Variants in ROBO2 observed in about 807,000 individuals in gnomAD.
ROBO2 encodes the protein roundabout guidance receptor 2, also known as roundabout homolog 2.
A neutral mutation model predicts 160.8 loss-of-function variants in ROBO2; 53 were observed. That is an observed-to-expected ratio of 0.33 (90% CI 0.26 to 0.41). ROBO2 has a LOEUF of 0.41. ROBO2 is among the 10% of genes least tolerant of loss of function. The pLI, the probability that ROBO2 is intolerant of heterozygous loss-of-function variation, is 1.00. For synonymous variants in ROBO2, 664 were observed against 611.7 expected, an observed-to-expected ratio of 1.09 and a Z score of -1.26; for missense variants, 1,577 against 1,722.4, an observed-to-expected ratio of 0.92 and a Z score of 1.49.
chr3:77,524,161 T>G (rs559620114), intron 6 of ROBO2, among the ~76,000 whole-genome samples: 1 of 151,458 alleles, frequency 6.6e-6, no homozygotes, highest in African/African-American at 2.4e-5. Flanking sequence ...CTTCTGTAGA[T>G]ATTCTAGTGT....
chr3:76,019,602 T>C (rs1378571146), intron 2 of ROBO2, among the ~76,000 whole-genome samples: 3 of 148,756 alleles, frequency 2.0e-5, no homozygotes, highest in African/African-American at 7.4e-5. Flanking sequence ...TAATATTTGC[T>C]TTATGGTCTC....
At chr3:76,551,492 G>A (rs907433197) in intron 2 of ROBO2, among the ~76,000 whole-genome samples, 1 of 152,012 alleles carries the variant, frequency 6.6e-6, no homozygotes, top group Non-Finnish European at 1.5e-5. Context: ...CTAATGGCAG[G>A]ACTGAAAAAG....
intron 2 of ROBO2, among the ~76,000 whole-genome samples, chr3:76,412,694 C>T (rs2075556489): frequency 6.6e-6 from 1 of 152,334 alleles, no homozygotes; most frequent in East Asian, 1.9e-4. Context: ...GCGGTGGATT[C>T]CCATGGTCTT....
chr3:76,251,925 A>G (rs1337142335), intron 2 of ROBO2, among the ~76,000 whole-genome samples: 1 of 152,104 alleles, frequency 6.6e-6, no homozygotes, highest in Admixed American at 6.6e-5. Context: ...CATCACAGAG[A>G]TGAGGTTTTA....
rs191571559 is a variant in ROBO2, at chr3:76,013,533, G to T, written c.109+75931G>T. Among the ~76,000 whole-genome samples, 39 of 150,792 alleles carry T rather than the reference G, an allele frequency of 2.6e-4. 1 individual carries two copies. The East Asian group carries it at 6.8e-3, about 26-fold the overall frequency. Reference sequence around the variant, plus strand: ...GGAGGCTGGGCACTGTGGTTTATGCGTGTAATCCCAGAAGTAATATGTATA... The same window carrying T: ...GGAGGCTGGGCACTGTGGTTTATGCTTGTAATCCCAGAAGTAATATGTATA... On this transcript the variant is annotated intron_variant, in intron 2 of 26. Coordinates refer to the ROBO2 transcript ENST00000487694.
At chr3:76,530,256 C>T (rs894283614) in intron 2 of ROBO2, among the ~76,000 whole-genome samples, 2 of 152,154 alleles carry the variant, frequency 1.3e-5, no homozygotes, top group Non-Finnish European at 2.9e-5. Flanking sequence ...CCCCTGGACT[C>T]CCAGCTGGAA....
intron 4 of ROBO2, among the ~76,000 whole-genome samples, chr3:77,492,945 T>G (rs1222530017): frequency 6.6e-6 from 1 of 152,216 alleles, no homozygotes; most frequent in Non-Finnish European, 1.5e-5. Flanking sequence ...AGTGTTCTGA[T>G]TTTTTATGAT....
chr3:76,474,586 C>T (rs953743907), intron 2 of ROBO2, among the ~76,000 whole-genome samples: 1 of 152,130 alleles, frequency 6.6e-6, no homozygotes, highest in Non-Finnish European at 1.5e-5. Flanking sequence ...AATAAGTAAA[C>T]ACACAAATAT....
At chr3:77,249,806 A>G (rs780526561) in intron 2 of ROBO2, among the ~76,000 whole-genome samples, 12 of 151,638 alleles carry the variant, frequency 7.9e-5, no homozygotes, top group Non-Finnish European at 1.6e-4. Flanking sequence ...TAGCTACTAT[A>G]TTTTATTATT....
intron 23 of ROBO2, chr3:77,634,062 C>T (rs776128): frequency 0.74 from 112,465 of 152,028 alleles, 41,895 homozygotes; most frequent in East Asian, 0.84. Context: ...TCTGTTACTA[C>T]AATAAACATG....
chr3:77,317,153 C>G, intron 2 of ROBO2: 1 of 1,025,876 alleles, frequency 9.7e-7, no homozygotes, highest in Non-Finnish European at 1.5e-6. Context: ...CATCTGGTAC[C>G]CAGCCAGCCA....
chr3:76,255,798 C>A (rs189516649), intron 2 of ROBO2, among the ~76,000 whole-genome samples: 1 of 151,848 alleles, frequency 6.6e-6, no homozygotes, highest in Admixed American at 6.6e-5. Flanking sequence ...AAAGCAACTT[C>A]CTGGAATAAT....
At chr3:76,441,208 T>C (rs7615433) in intron 2 of ROBO2, among the ~76,000 whole-genome samples, 85,147 of 152,016 alleles carry the variant, frequency 0.56, 24,293 homozygotes, top group African/African-American at 0.66. Flanking sequence ...TATTAAGACA[T>C]GGTTTTAATT....
At chr3:76,836,436 GTT>G (rs11321260) in intron 2 of ROBO2, among the ~76,000 whole-genome samples, 15 of 136,900 alleles carry the variant, frequency 1.1e-4, no homozygotes, top group African/African-American at 3.2e-4. Context: ...TAATTTTTTT[GTT>G]TTTTTTTTTT....
chr3:76,428,786 G>A (rs972397392), intron 2 of ROBO2, among the ~76,000 whole-genome samples: 2 of 152,258 alleles, frequency 1.3e-5, no homozygotes, highest in South Asian at 2.1e-4. Flanking sequence ...TGAGCCACGC[G>A]AAAGTGATAA....
chr3:77,549,127 T>C (rs935774597), intron 7 of ROBO2, among the ~76,000 whole-genome samples: 3 of 151,900 alleles, frequency 2.0e-5, no homozygotes, highest in East Asian at 3.9e-4. Context: ...CATTTTCTTT[T>C]GCCTATGTCA....
At chr3:76,796,495 G>A (rs1158482250) in intron 2 of ROBO2, among the ~76,000 whole-genome samples, 5 of 128,516 alleles carry the variant, frequency 3.9e-5, no homozygotes, top group African/African-American at 1.0e-4. Flanking sequence ...AAGGAAGGAA[G>A]GAAGGAAAGA....
chr3:76,376,412 T>G (rs2076347950), intron 2 of ROBO2, among the ~76,000 whole-genome samples: 1 of 152,244 alleles, frequency 6.6e-6, no homozygotes, highest in Non-Finnish European at 1.5e-5. Flanking sequence ...CCAAGTCATC[T>G]ATTTGAACAA....
intron 2 of ROBO2, among the ~76,000 whole-genome samples, chr3:76,558,026 A>G (rs1172754906): frequency 1.3e-5 from 2 of 152,046 alleles, no homozygotes; most frequent in Non-Finnish European, 2.9e-5. Context: ...AACAATTACC[A>G]CAAAAACACC....
Sources: gnomAD v4.1 joint callset for allele counts (sites outside exome capture counted in the v4.1 genomes callset) on GRCh38, gnomAD v4.1.1 for gene constraint, MANE v1.5 for transcripts, NCBI Gene and HGNC (gene_info 2026-07-23, HGNC 2026-07-21) for gene names.